The following SCNN1B variants were observed in gnomAD, a reference collection of about 807,000 sequenced individuals.
SCNN1B encodes epithelial sodium channel subunit beta.
In SCNN1B, 46 loss-of-function variants were observed where a neutral mutation model predicts 65.3. The observed-to-expected ratio is 0.70, with a 90% CI of 0.56 to 0.90. The LOEUF (loss-of-function observed/expected upper bound fraction) is 0.90. SCNN1B is among the 40% of genes least tolerant of loss of function. The pLI, the probability that SCNN1B is intolerant of heterozygous loss-of-function variation, is 0.00. For synonymous variants in SCNN1B, 349 were observed against 330.6 expected (o/e 1.06, Z -0.60); for missense variants, 751 against 830.5 (o/e 0.90, Z 1.18).
At chr16:23,377,794 T>TTTCC (rs148497157) in intron 10 of SCNN1B, among the ~76,000 whole-genome samples, 10,484 of 130,312 alleles carry the variant, frequency 0.08, 689 homozygotes, top group African/African-American at 0.2. Context: ...CCCTTCCTTC[T>TTTCC]TTCCTTCCTT....
At chr16:23,331,235 A>T (rs759956739) in intron 1 of SCNN1B, among the ~76,000 whole-genome samples, 2 of 151,984 alleles carry the variant, frequency 1.3e-5, no homozygotes, top group Non-Finnish European at 2.9e-5. Context: ...GGTGGTGTGT[A>T]GCACTTGCAA....
intron 1 of SCNN1B, among the ~76,000 whole-genome samples, chr16:23,321,624 C>G (rs1201871100): frequency 6.6e-6 from 1 of 152,136 alleles, no homozygotes; most frequent in Non-Finnish European, 1.5e-5. Flanking sequence ...GCAATGACCC[C>G]CCGGAGCATT....
chr16:23,372,735 C>T (rs374299821), intron 7 of SCNN1B, among the ~76,000 whole-genome samples: 4 of 149,786 alleles, frequency 2.7e-5, no homozygotes, highest in East Asian at 2.0e-4. Flanking sequence ...CCTCGTGATC[C>T]ACCGCCTCGG....
At chr16:23,311,025 G>T (rs920067831) in intron 1 of SCNN1B, among the ~76,000 whole-genome samples, 1 of 152,362 alleles carries the variant, frequency 6.6e-6, no homozygotes, top group Admixed American at 6.5e-5. Flanking sequence ...AGTGGTCAGG[G>T]TGCAAATCGG....
chr16:23,380,470 G>A lies in SCNN1B; in HGVS notation c.1592G>A (p.Gly531Glu). 1.2e-6 allele frequency: 2 copies of A among 1,614,220 alleles called. No individual in the cohort carries two copies. Among genetic ancestry groups the A allele is most frequent in the Non-Finnish European group, 1.7e-6 (2 of 1,180,028 alleles). Reference protein sequence around the residue: ...NLGGQFGFWMGGSVLCLIEFG... With the variant: ...NLGGQFGFWMEGSVLCLIEFG... Reference sequence around the variant, plus strand: ...GGTGGCCAGTTTGGCTTCTGGATGGGGGGCTCTGTGCTGTGCCTCATCGAG... The same window carrying A: ...GGTGGCCAGTTTGGCTTCTGGATGGAGGGCTCTGTGCTGTGCCTCATCGAG... Residue 531 changes from glycine to glutamate, a missense_variant, in exon 13 of 13, where the codon GGG (glycine) becomes GAG (glutamate). By Grantham distance (98) the Gly-to-Glu change is moderately conservative. Transcript: ENST00000343070. This position sits in a 1 kb window ranked among gnomAD's most constrained non-coding sequence, Gnocchi z 5.4.
chr16:23,349,045 T>C, intron 2 of SCNN1B, 135 bp downstream of exon 2: 4 of 727,712 alleles, frequency 5.5e-6, no homozygotes, highest in Middle Eastern at 2.4e-4. Flanking sequence ...CTCCCCTTTC[T>C]TCCTTCCTTT....
chr16:23,342,666 G>GAA (rs112725905), intron 1 of SCNN1B, among the ~76,000 whole-genome samples: 1 of 148,478 alleles, frequency 6.7e-6, no homozygotes, highest in African/African-American at 2.5e-5. Flanking sequence ...GATGAGCTAA[G>GAA]AAAAAAAAAA....
intron 1 of SCNN1B, among the ~76,000 whole-genome samples, chr16:23,324,405 A>G (rs1961650986): frequency 6.6e-6 from 1 of 151,842 alleles, no homozygotes; most frequent in African/African-American, 2.4e-5. Context: ...GTCTCACTAT[A>G]TTGCCCAGGC....
At chr16:23,301,867 A>G (rs1268762921), upstream of SCNN1B, among the ~76,000 whole-genome samples, 2 of 152,100 alleles carry the variant, frequency 1.3e-5, no homozygotes, top group Admixed American at 6.5e-5. Flanking sequence ...CCCTAAAGTC[A>G]CCAACTTGCC....
chr16:23,290,010 C>A (rs1341130802), intron 2 of SCNN1B, among the ~76,000 whole-genome samples: 2 of 152,056 alleles, frequency 1.3e-5, no homozygotes, highest in Non-Finnish European at 2.9e-5. Context: ...CAAAACCTCA[C>A]AAATGAAGTA....
chr16:23,325,329 C>T (rs28439907), intron 1 of SCNN1B, among the ~76,000 whole-genome samples: 29,124 of 151,764 alleles, frequency 0.19, 3,171 homozygotes, highest in Middle Eastern at 0.29. Flanking sequence ...TACGGTGGTG[C>T]GATCTCAGCT....
At chr16:23,325,842 C>T (rs1212657508) in intron 1 of SCNN1B, among the ~76,000 whole-genome samples, 1 of 151,522 alleles carries the variant, frequency 6.6e-6, no homozygotes, top group Non-Finnish European at 1.5e-5. Context: ...TTCTTTAGAC[C>T]ATGAGTTTGA....
intron 10 of SCNN1B, among the ~76,000 whole-genome samples, chr16:23,378,048 G>A (rs912150354): frequency 2.6e-5 from 4 of 151,868 alleles, no homozygotes; most frequent in Non-Finnish European, 4.4e-5. Context: ...TTCCTCTGTC[G>A]CCCAGGCTGG....
In SCNN1B at chr16:23,348,495, G is replaced by C; in HGVS notation, c.-8-97G>C. On this transcript the variant is annotated intron_variant, in intron 1 of 12. Coordinates refer to ENST00000343070, the MANE Select transcript of SCNN1B (RefSeq NM_000336.3). The surrounding 1 kb of genome is among the most constrained non-coding windows in gnomAD (Gnocchi z 4.5). ...GGGAGGGTAAAGAGGGAGGAAGAAC[G>C]GGGACGTACCGCCGCCCAGTTCCTG... The C allele has an allele frequency of 9.2e-7, 1 of 1,092,138 alleles. No individual in the cohort carries two copies. Among genetic ancestry groups the C allele is most frequent in the South Asian group, 1.4e-5 (1 of 72,790 alleles). The allele number at this position is 1,092,138 out of a possible 1,614,324, so 67.7% of individuals were successfully genotyped here.
intron 1 of SCNN1B, among the ~76,000 whole-genome samples, chr16:23,279,464 T>C (rs1407137673): frequency 6.6e-6 from 1 of 152,172 alleles, no homozygotes; most frequent in East Asian, 1.9e-4. Flanking sequence ...GAGAAGCTTC[T>C]GGTGTTCAGT....
chr16:23,335,029 A>G (rs1455492698), intron 1 of SCNN1B, among the ~76,000 whole-genome samples: 2 of 152,138 alleles, frequency 1.3e-5, no homozygotes, highest in African/African-American at 4.8e-5. Context: ...GCTCTTTTCA[A>G]TATTTTTTTT....
chr16:23,333,919 C>T (rs463664), intron 1 of SCNN1B, among the ~76,000 whole-genome samples: 39,874 of 152,084 alleles, frequency 0.26, 5,363 homozygotes, highest in African/African-American at 0.31. Context: ...CAGACCCTAA[C>T]TGGGGCCTAA....
intron 4 of SCNN1B, among the ~76,000 whole-genome samples, chr16:23,365,443 AAGAAAGAGAAGG>A (rs1464870265): frequency 6.7e-6 from 1 of 148,164 alleles, no homozygotes; most frequent in East Asian, 1.9e-4. Context: ...GGAAGAAAGA[AAGAAAGAGAAGG>A]AGAAAGAGAA....
intron 2 of SCNN1B, among the ~76,000 whole-genome samples, chr16:23,293,107 T>C (rs1960949362): frequency 1.3e-5 from 1 of 77,518 alleles, no homozygotes; most frequent in African/African-American, 5.5e-5. Context: ...ACAGGGAGAC[T>C]CATTCTCAAA....
Sources: allele counts gnomAD v4.1 joint callset (sites outside exome capture counted in the v4.1 genomes callset), GRCh38; gene constraint gnomAD v4.1.1; non-coding constraint Gnocchi (gnomAD v3.1); transcripts MANE v1.5; gene names NCBI Gene and HGNC (gene_info 2026-07-23, HGNC 2026-07-21).